PRKDC: variants seen among roughly 807,000 people sequenced by gnomAD.
PRKDC encodes the protein protein kinase, DNA-activated, catalytic subunit, also known as DNA-dependent protein kinase catalytic subunit.
PRKDC carries 82 observed loss-of-function variants against 486.9 expected under a neutral mutation model. That is an observed-to-expected ratio of 0.17 (90% CI 0.14 to 0.20). PRKDC has a LOEUF of 0.20. PRKDC is among the 10% of genes least tolerant of loss of function. PRKDC has a pLI of 1.00. For missense variants in PRKDC, 4,504 were observed against 5,038.2 expected (o/e 0.89, Z 3.21); for synonymous variants, 1,895 against 1,837.0 (o/e 1.03, Z -0.81).
intron 74 of PRKDC, 21 bp from the exon 75 acceptor site, chr8:47,789,259 A>C (rs779012511): frequency 2.1e-6 from 3 of 1,455,554 alleles, no homozygotes; most frequent in Non-Finnish European, 2.8e-6. Flanking sequence ...AAATTTACAA[A>C]GTTTAGGCAA....
intron 74 of PRKDC, 72 bp from the exon 75 acceptor site, chr8:47,789,310 T>C: frequency 3.1e-6 from 2 of 653,082 alleles, no homozygotes; most frequent in Non-Finnish European, 4.6e-6. Context: ...TTATATACCA[T>C]ACATATATAA....
chr8:47,858,437 G>T, intron 48 of PRKDC, 79 bp downstream of exon 48: 2 of 1,259,672 alleles, frequency 1.6e-6, no homozygotes, highest in Non-Finnish European at 2.1e-6. Context: ...TCATAGAATT[G>T]CAATTGATTC....
chr8:47,957,286 T>G, intron 2 of PRKDC, 23 bp from the exon 3 acceptor site: 1 of 1,582,656 alleles, frequency 6.3e-7, no homozygotes, highest in East Asian at 2.2e-5. Context: ...AGATACATAT[T>G]GTAAATATGG....
intron 36 of PRKDC, among the ~76,000 whole-genome samples, chr8:47,884,508 T>C (rs1449120088): frequency 1.3e-5 from 2 of 152,236 alleles, no homozygotes; most frequent in African/African-American, 4.8e-5. Flanking sequence ...TCTCATTCTG[T>C]TACTTTAGAG....
chr8:47,859,866 G>A (rs1275889015), intron 45 of PRKDC, 107 bp from the exon 46 acceptor site: 65 of 1,170,326 alleles, frequency 5.6e-5, no homozygotes, highest in Non-Finnish European at 6.1e-5. Flanking sequence ...TTTAATCTAA[G>A]GTTTTCATCA....
At chr8:47,807,904 C>T (rs1361784587) in intron 68 of PRKDC, among the ~76,000 whole-genome samples, 3 of 151,954 alleles carry the variant, frequency 2.0e-5, no homozygotes, top group Non-Finnish European at 2.9e-5. Flanking sequence ...TTAGTAGAGA[C>T]GGGGTTTCAC....
intron 71 of PRKDC, among the ~76,000 whole-genome samples, chr8:47,799,983 C>T (rs2087065311): frequency 6.6e-6 from 1 of 151,868 alleles, no homozygotes; most frequent in African/African-American, 2.4e-5. Context: ...TCTTTTAATT[C>T]AAAAAAATTT....
intron 40 of PRKDC, among the ~76,000 whole-genome samples, chr8:47,872,522 T>C (rs1402786032): frequency 8.0e-6 from 1 of 125,560 alleles, no homozygotes; most frequent in Non-Finnish European, 1.6e-5. Context: ...AAAAAAAAAA[T>C]GATCTGTTGC....
At chr8:47,909,140 G>A (rs2089849580) in intron 25 of PRKDC, among the ~76,000 whole-genome samples, 2 of 152,146 alleles carry the variant, frequency 1.3e-5, no homozygotes, top group South Asian at 4.1e-4. Context: ...TCTTAGGATT[G>A]GTTTAGCCAC....
intron 40 of PRKDC, among the ~76,000 whole-genome samples, 154 bp downstream of exon 40, chr8:47,877,570 T>G (rs1029467391): frequency 6.6e-6 from 1 of 152,174 alleles, no homozygotes; most frequent in Non-Finnish European, 1.5e-5. Flanking sequence ...AAAATTATAA[T>G]AATAAAAGTT....
rs752692116 is a variant in PRKDC, at chr8:47,817,484, G to A, written c.9523C>T (p.Pro3175Ser). 1.2e-6 allele frequency: 2 copies of A among 1,606,982 alleles called. No individual in the cohort carries two copies. Among genetic ancestry groups the A allele is most frequent in the Non-Finnish European group, 1.7e-6 (2 of 1,176,118 alleles). ...TNRYPDAKMD[P>S]MNIWDDIITN... Reference sequence around the variant, plus strand: ...ATGATGTCATCCCAGATGTTCATTGGGTCCATTTTAGCATCTGGATATCTG... The same window carrying A: ...ATGATGTCATCCCAGATGTTCATTGAGTCCATTTTAGCATCTGGATATCTG... The change falls in exon 68 of 86, where the codon CCA (proline) becomes TCA (serine). Residue 3175 changes from proline to serine, a missense_variant. Physicochemically the swap from Pro to Ser is moderately conservative, Grantham distance 74. This residue lies in a region of PRKDC where 1,592 missense variants were observed against 1,724.6 expected (regional missense o/e 0.92). Coordinates refer to ENST00000314191, the MANE Select transcript of PRKDC (RefSeq NM_006904.7).
Position 47,819,420 on chromosome 8 carries a change from T to C in PRKDC, c.9427A>G (p.Ser3143Gly), listed in dbSNP as rs2154498918. Residue 3143 changes from serine (S) to glycine (G), a missense_variant, in exon 67 of 86, where the codon AGC becomes GGC. Ser to Gly is a moderately conservative substitution (Grantham distance 56). This residue lies in a region of PRKDC where 1,592 missense variants were observed against 1,724.6 expected (regional missense o/e 0.92). Coordinates refer to ENST00000314191, the MANE Select transcript of PRKDC (RefSeq NM_006904.7). ...QALTEIQEFISFISKQGNLSS... is the reference protein window; with the variant it reads ...QALTEIQEFIGFISKQGNLSS... ...AAATTACCTTGTTTGCTTATAAAGCTGATGAACTCCTGAATTTCTGTTAAA... is the reference window on the plus strand; with the variant it reads ...AAATTACCTTGTTTGCTTATAAAGCCGATGAACTCCTGAATTTCTGTTAAA... 2 of 1,544,396 alleles carry C rather than the reference T, an allele frequency of 1.3e-6. No individual in the cohort carries two copies. Among genetic ancestry groups the C allele is most frequent in the Non-Finnish European group, 1.7e-6 (2 of 1,153,980 alleles).
chr8:47,879,489 A>G lies in PRKDC; in HGVS notation c.5235+2T>C. 1.9e-6 allele frequency: 3 copies of G among 1,564,860 alleles called. No homozygotes were observed. The South Asian group carries it at 3.6e-5, about 19-fold the overall frequency. ...TTTTACTTGATACTACTAGAAACTA[A>G]CCTTTTTCATGCAGTCCACATAATT... On this transcript the variant is annotated splice_donor_variant, in intron 39 of 85. Transcript: ENST00000314191. LOFTEE classifies it high-confidence loss of function.
At chr8:47,775,992 T>G (rs2086602308) in intron 85 of PRKDC, among the ~76,000 whole-genome samples, 1 of 151,944 alleles carries the variant, frequency 6.6e-6, no homozygotes, top group Non-Finnish European at 1.5e-5. Context: ...CCCAGCTAAT[T>G]TTTGTATTTT....
intron 49 of PRKDC, among the ~76,000 whole-genome samples, chr8:47,856,452 A>G (rs551704504): frequency 6.6e-6 from 1 of 152,034 alleles, no homozygotes; most frequent in African/African-American, 2.4e-5. Flanking sequence ...CTGGTCTCAA[A>G]CTCCTGACCT....
rs2090170864 is a variant in PRKDC, at chr8:47,927,300, A to G, written c.2313T>C (p.Asn771=). 2 of 1,613,794 alleles carry G rather than the reference A, an allele frequency of 1.2e-6. No homozygotes were observed. The highest frequency in any genetic ancestry group is 1.7e-6 in the Non-Finnish European group (2 of 1,179,742). The change falls in exon 21 of 86, where the codon AAT becomes AAC. Residue 771 remains asparagine, a synonymous_variant. Transcript: ENST00000314191. ...SYTPLAEVGL[N]ALEEWSIYID... is the part of the protein sequence containing the mutation. ...TATAAATTGACCATTCTTCTAGAGC[A>G]TTCAGGCCTACTTCTGCCAAGGGGG...
At chr8:47,780,099 G>A (rs1275201273) in intron 80 of PRKDC, among the ~76,000 whole-genome samples, 2 of 151,286 alleles carry the variant, frequency 1.3e-5, no homozygotes, top group African/African-American at 4.9e-5. Context: ...ATTTTCAGTA[G>A]AGACAGGGTT....
intron 81 of PRKDC, 92 bp from the exon 82 acceptor site, chr8:47,778,891 A>G: frequency 6.8e-7 from 1 of 1,460,222 alleles, no homozygotes; most frequent in Non-Finnish European, 9.3e-7. Context: ...TGAGACTCAA[A>G]TATCGAATAA....
chr8:47,950,809 T>A (rs2090615198), intron 7 of PRKDC, among the ~76,000 whole-genome samples: 1 of 147,384 alleles, frequency 6.8e-6, no homozygotes, highest in Non-Finnish European at 1.5e-5. Flanking sequence ...ACAGCGAGAC[T>A]CCATCTCTGC....
Sources: allele counts gnomAD v4.1 joint callset (sites outside exome capture counted in the v4.1 genomes callset), GRCh38; gene constraint gnomAD v4.1.1; regional missense constraint gnomAD v4.1.1; transcripts MANE v1.5; gene names NCBI Gene and HGNC (gene_info 2026-07-23, HGNC 2026-07-21).